MRTFA: variants seen among roughly 807,000 people sequenced by gnomAD.
MRTFA encodes myocardin related transcription factor A.
MRTFA carries 20 observed loss-of-function variants against 83.5 expected under a neutral mutation model. The ratio of observed to expected loss-of-function variants is 0.24; its 90% CI spans 0.17 to 0.35. MRTFA has a LOEUF of 0.35. Ranked by LOEUF, MRTFA falls within the 10% of genes least tolerant of loss-of-function variation. MRTFA has a pLI of 1.00. For synonymous variants in MRTFA, 659 were observed against 541.2 expected (o/e 1.22, Z -3.02); for missense variants, 1,200 against 1,224.7 (o/e 0.98, Z 0.30).
At chr22:40,635,722 T>C (rs1413313542) in intron 1 of MRTFA, among the ~76,000 whole-genome samples, 1 of 152,232 alleles carries the variant, frequency 6.6e-6, no homozygotes, top group Non-Finnish European at 1.5e-5. Context: ...GGCCAAGCAC[T>C]GTGTCAAACG....
intron 3 of MRTFA, among the ~76,000 whole-genome samples, chr22:40,495,962 A>C (rs1310481337): frequency 2.6e-5 from 4 of 151,744 alleles, no homozygotes; most frequent in Non-Finnish European, 5.9e-5. Context: ...GCTACTCGGG[A>C]GGCTGAGGCT....
rs148865274 is a variant in MRTFA at position 40,411,432 on chromosome 22, G to A, written c.3054C>T (p.Leu1018=). 1,978 of 1,582,260 alleles carry A rather than the reference G, an allele frequency of 1.3e-3. 2 individuals carry two copies. The highest frequency in any genetic ancestry group is 4.5e-3 in the East Asian group (198 of 44,114). The change falls in exon 15 of 15, where the codon CTC becomes CTT. Residue 1018 remains leucine (L), a synonymous_variant. Transcript: ENST00000355630. Reference sequence around the variant, plus strand: ...AGTGCAGCTGCAAATCATGGCCATCGAGGAAGTCTGTGGAGAAGAGGCTGG... The same window carrying A: ...AGTGCAGCTGCAAATCATGGCCATCAAGGAAGTCTGTGGAGAAGAGGCTGG...
At chr22:40,488,658 C>T (rs112880707) in intron 3 of MRTFA, among the ~76,000 whole-genome samples, 12,544 of 151,974 alleles carry the variant, frequency 0.083, 788 homozygotes, top group East Asian at 0.24. Flanking sequence ...GTGGTGAAAC[C>T]CTGTCTCTAC....
At chr22:40,449,283 A>G (rs1033301106) in intron 4 of MRTFA, among the ~76,000 whole-genome samples, 1 of 150,368 alleles carries the variant, frequency 6.7e-6, no homozygotes, top group African/African-American at 2.5e-5. Context: ...AGAAAAAAAA[A>G]AAAAAAAAGA....
At chr22:40,470,983 G>C (rs142814688) in intron 3 of MRTFA, among the ~76,000 whole-genome samples, 78 of 151,834 alleles carry the variant, frequency 5.1e-4, no homozygotes, top group African/African-American at 1.8e-3. Flanking sequence ...AAAAACAACA[G>C]AGAAAATCAA....
chr22:40,507,016 C>T (rs1285726939), intron 3 of MRTFA, among the ~76,000 whole-genome samples: 3 of 152,178 alleles, frequency 2.0e-5, no homozygotes, highest in East Asian at 3.9e-4. Flanking sequence ...TCTCCAATGG[C>T]ACCTTGTTAA....
At chr22:40,463,199 G>A (rs2053745816) in intron 4 of MRTFA, 22 bp downstream of exon 4, 1 of 1,608,182 alleles carries the variant, frequency 6.2e-7, no homozygotes, top group Admixed American at 1.7e-5. Flanking sequence ...TCTACCAAAT[G>A]CTGAGAGAGA....
intron 3 of MRTFA, among the ~76,000 whole-genome samples, chr22:40,525,480 C>T (rs551128013): frequency 2.9e-4 from 44 of 151,702 alleles, no homozygotes; most frequent in Non-Finnish European, 5.0e-4. Flanking sequence ...CAGCAGGGGG[C>T]GACAGAGCAA....
rs576831652 is a variant in MRTFA at position 40,592,063 on chromosome 22, T to A, written c.-22+2611A>T. On this transcript the variant is annotated intron_variant, in intron 2 of 14. Transcript: ENST00000355630. Reference sequence around the variant, plus strand: ...ACTGCATGACTGAAAGACATAGAGATGGTATCTCCCATGAGAGAAGAATTT... The same window carrying A: ...ACTGCATGACTGAAAGACATAGAGAAGGTATCTCCCATGAGAGAAGAATTT... Among the ~76,000 whole-genome samples, 10 of 152,180 alleles carry A rather than the reference T, an allele frequency of 6.6e-5. No individual in the cohort carries two copies. In the South Asian group the frequency reaches 1.5e-3, roughly 22 times the overall value.
intron 4 of MRTFA, among the ~76,000 whole-genome samples, chr22:40,444,888 C>T (rs532749223): frequency 1.3e-4 from 20 of 152,140 alleles, no homozygotes; most frequent in African/African-American, 4.3e-4. Flanking sequence ...GGCAATGTGG[C>T]GGCACCCACT....
intron 1 of MRTFA, among the ~76,000 whole-genome samples, chr22:40,628,723 A>G (rs930764790): frequency 1.3e-5 from 2 of 152,144 alleles, no homozygotes; most frequent in African/African-American, 4.8e-5. Flanking sequence ...TATTACTGCT[A>G]TATGAGCCGG....
At chr22:40,548,841 C>A (rs1253784347) in intron 3 of MRTFA, among the ~76,000 whole-genome samples, 1 of 148,906 alleles carries the variant, frequency 6.7e-6, no homozygotes, top group Non-Finnish European at 1.5e-5. Flanking sequence ...TCCAGCCTGG[C>A]AACAGAGTGA....
intron 3 of MRTFA, among the ~76,000 whole-genome samples, chr22:40,505,398 G>A (rs1602352402): frequency 6.6e-6 from 1 of 152,164 alleles, no homozygotes; most frequent in African/African-American, 2.4e-5. Context: ...GCATTTATCA[G>A]CTAGGTTCCA....
intron 3 of MRTFA, among the ~76,000 whole-genome samples, chr22:40,547,822 C>G (rs186779948): frequency 2.4e-3 from 366 of 149,964 alleles, no homozygotes; most frequent in Non-Finnish European, 4.5e-3. Context: ...CCACTGCATT[C>G]CAGCCTGGGT....
At chr22:40,510,250 C>T (rs2054646342) in intron 3 of MRTFA, among the ~76,000 whole-genome samples, 1 of 151,760 alleles carries the variant, frequency 6.6e-6, no homozygotes, top group East Asian at 1.9e-4. Context: ...AATGGTGTCA[C>T]ACATTAAGCA....
At chr22:40,491,476 T>G (rs1339561487) in intron 3 of MRTFA, among the ~76,000 whole-genome samples, 3 of 152,158 alleles carry the variant, frequency 2.0e-5, no homozygotes, top group Non-Finnish European at 4.4e-5. Context: ...GCCTTCCAAG[T>G]GTTATTTTAT....
chr22:40,606,748 A>G (rs1402383363), intron 1 of MRTFA, among the ~76,000 whole-genome samples: 1 of 152,200 alleles, frequency 6.6e-6, no homozygotes, highest in Non-Finnish European at 1.5e-5. Context: ...ACATCAGACC[A>G]CCAGAAAGAA....
intron 9 of MRTFA, among the ~76,000 whole-genome samples, chr22:40,422,956 C>CGAGATCCTGGT (rs1256068971): frequency 6.6e-6 from 1 of 152,146 alleles, no homozygotes; most frequent in Non-Finnish European, 1.5e-5. Context: ...CTGGGGTCCC[C>CGAGATCCTGGT]GAGATCCTGG....
intron 11 of MRTFA, 127 bp downstream of exon 11, chr22:40,420,278 C>T (rs1276837662): frequency 3.6e-6 from 4 of 1,114,516 alleles, no homozygotes; most frequent in Non-Finnish European, 5.1e-6. Flanking sequence ...AGCCTAAAGC[C>T]CTGCTCTGCT....
Sources: allele counts gnomAD v4.1 joint callset (sites outside exome capture counted in the v4.1 genomes callset), GRCh38; gene constraint gnomAD v4.1.1; transcripts MANE v1.5; gene names NCBI Gene and HGNC (gene_info 2026-07-23, HGNC 2026-07-21).